The following GPC5 variants were observed in gnomAD, a reference collection of about 807,000 sequenced individuals.
GPC5 encodes the protein glypican 5.
GPC5 carries 47 observed loss-of-function variants against 53.9 expected under a neutral mutation model. The observed-to-expected ratio is 0.87, with a 90% CI of 0.69 to 1.11. The LOEUF (loss-of-function observed/expected upper bound fraction) is 1.11, where lower values mean the gene tolerates loss of function less well. Among genes scored for constraint, GPC5 ranks in the 50% most tolerant of loss-of-function variants. The pLI, the probability that GPC5 is intolerant of heterozygous loss-of-function variation, is 0.00. For missense variants in GPC5, 748 were observed against 713.1 expected, an observed-to-expected ratio of 1.05 and a Z score of -0.56; for synonymous variants, 286 against 263.3, an observed-to-expected ratio of 1.09 and a Z score of -0.84.
chr13:92,381,086 T>C (rs2043735232), intron 7 of GPC5, among the ~76,000 whole-genome samples: 2 of 152,184 alleles, frequency 1.3e-5, no homozygotes, highest in African/African-American at 4.8e-5. Context: ...AATAATTAAA[T>C]ATTTTAATGT....
intron 3 of GPC5, among the ~76,000 whole-genome samples, chr13:91,710,765 T>A (rs1052094494): frequency 2.0e-5 from 3 of 152,182 alleles, no homozygotes; most frequent in Admixed American, 6.5e-5. Context: ...ATTTACAGAA[T>A]CCACGTGGTT....
chr13:91,586,646 TGAGAACATCATGGGGG>T (rs1306462359), intron 2 of GPC5, among the ~76,000 whole-genome samples: 10 of 139,926 alleles, frequency 7.1e-5, no homozygotes, highest in Non-Finnish European at 1.4e-4. Context: ...CTCACTATCA[TGAGAACATCATGGGGG>T]GACTGCCCCC....
At chr13:92,068,776 A>T (rs1402855082) in intron 6 of GPC5, among the ~76,000 whole-genome samples, 1 of 151,662 alleles carries the variant, frequency 6.6e-6, no homozygotes. Context: ...TATTGAAAAA[A>T]CTTAATTTGT....
At chr13:91,408,100 A>G (rs553195795) in intron 1 of GPC5, among the ~76,000 whole-genome samples, 1 of 152,080 alleles carries the variant, frequency 6.6e-6, no homozygotes, top group African/African-American at 2.4e-5. Flanking sequence ...TTTCAAGAAT[A>G]CAATATATCA....
chr13:92,312,335 G>A (rs941815554), intron 7 of GPC5, among the ~76,000 whole-genome samples: 2 of 151,308 alleles, frequency 1.3e-5, no homozygotes, highest in East Asian at 1.9e-4. Flanking sequence ...TGAGTGGGGG[G>A]AAAAAAAACA....
chr13:92,114,717 A>G (rs1013219245), intron 6 of GPC5, among the ~76,000 whole-genome samples: 8 of 152,196 alleles, frequency 5.3e-5, no homozygotes, highest in African/African-American at 1.7e-4. Flanking sequence ...GATAGAGACT[A>G]TATAGATATA....
At chr13:91,681,305 A>G (rs1050092526) in intron 2 of GPC5, among the ~76,000 whole-genome samples, 6 of 152,220 alleles carry the variant, frequency 3.9e-5, no homozygotes, top group Non-Finnish European at 5.9e-5. Flanking sequence ...AATAGAGGGT[A>G]TAAGAGAATG....
intron 7 of GPC5, among the ~76,000 whole-genome samples, chr13:92,517,388 C>T (rs1423330341): frequency 6.6e-6 from 1 of 152,242 alleles, no homozygotes; most frequent in Non-Finnish European, 1.5e-5. Context: ...AGACTGCCTC[C>T]TCAAGTGGGT....
intron 5 of GPC5, among the ~76,000 whole-genome samples, chr13:91,903,502 C>G (rs144703198): frequency 2.0e-5 from 3 of 152,074 alleles, no homozygotes; most frequent in African/African-American, 7.2e-5. Flanking sequence ...TGCTCCACAT[C>G]TTTGCCAACA....
At chr13:92,020,331 G>A (rs1021839111) in intron 6 of GPC5, among the ~76,000 whole-genome samples, 5 of 152,214 alleles carry the variant, frequency 3.3e-5, no homozygotes, top group African/African-American at 1.2e-4. Context: ...GATTAGGAAG[G>A]AGACATCTCT....
At chr13:91,449,605 C>T (rs17557039) in intron 2 of GPC5, among the ~76,000 whole-genome samples, 38,402 of 151,902 alleles carry the variant, frequency 0.25, 5,889 homozygotes, top group Middle Eastern at 0.34. Context: ...ATAAGAACAC[C>T]AGTGGAATAT....
chr13:91,546,948 G>A (rs1295553436), intron 2 of GPC5, among the ~76,000 whole-genome samples: 3 of 152,002 alleles, frequency 2.0e-5, no homozygotes, highest in Non-Finnish European at 4.4e-5. Context: ...AGGTAAGAAT[G>A]GTGAGAAGGG....
intron 6 of GPC5, among the ~76,000 whole-genome samples, chr13:92,138,551 T>A (rs1426751964): frequency 1.3e-5 from 2 of 150,844 alleles, no homozygotes; most frequent in East Asian, 1.9e-4. Flanking sequence ...TAAAAAAAAA[T>A]AAAAATAAAA....
intron 7 of GPC5, among the ~76,000 whole-genome samples, chr13:92,230,443 T>C (rs1349131862): frequency 1.3e-5 from 2 of 152,076 alleles, no homozygotes; most frequent in African/African-American, 4.8e-5. Context: ...ATTTAAATAA[T>C]CAACACTGAA....
chr13:91,811,929 T>A (rs1214387387), intron 5 of GPC5, among the ~76,000 whole-genome samples: 1 of 152,208 alleles, frequency 6.6e-6, no homozygotes, highest in Non-Finnish European at 1.5e-5. Flanking sequence ...CTCAGAACAC[T>A]TTCTCAGCAT....
chr13:92,300,526 A>C (rs1378944965), intron 7 of GPC5, among the ~76,000 whole-genome samples: 1 of 152,222 alleles, frequency 6.6e-6, no homozygotes, highest in African/African-American at 2.4e-5. Flanking sequence ...CTGATCATTC[A>C]ACTCAAATAT....
intron 7 of GPC5, among the ~76,000 whole-genome samples, chr13:92,262,612 C>CTA: frequency 6.6e-6 from 1 of 152,214 alleles, no homozygotes; most frequent in East Asian, 1.9e-4. Context: ...CAATTGGTAG[C>CTA]TACCAATAAA....
intron 7 of GPC5, among the ~76,000 whole-genome samples, chr13:92,852,297 T>C (rs1878841540): frequency 6.6e-6 from 1 of 152,150 alleles, no homozygotes; most frequent in African/African-American, 2.4e-5. Context: ...TGTGGTTGTG[T>C]TGGGGTTTGG....
intron 7 of GPC5, among the ~76,000 whole-genome samples, chr13:92,198,015 C>T (rs2042269629): frequency 6.6e-6 from 1 of 152,130 alleles, no homozygotes; most frequent in Non-Finnish European, 1.5e-5. Flanking sequence ...TTTCCTATTC[C>T]TGGAATTCAT....
Sources: gnomAD v4.1 joint callset for allele counts (sites outside exome capture counted in the v4.1 genomes callset) on GRCh38, gnomAD v4.1.1 for gene constraint, MANE v1.5 for transcripts, NCBI Gene and HGNC (gene_info 2026-07-23, HGNC 2026-07-21) for gene names.